CDH19: variants seen among roughly 807,000 people sequenced by gnomAD.
The protein encoded by CDH19 is cadherin-19.
Under a neutral mutation model 64.2 loss-of-function variants are expected in CDH19, and 67 were observed. The ratio of observed to expected loss-of-function variants is 1.04; its 90% confidence interval spans 0.86 to 1.28. CDH19 has a LOEUF of 1.28. Among genes scored for constraint, CDH19 ranks in the 50% most tolerant of loss-of-function variants. CDH19 has a pLI of 0.00. For missense variants in CDH19, 1,030 were observed against 929.0 expected (o/e 1.11, Z -1.41); for synonymous variants, 346 against 319.3 (o/e 1.08, Z -0.89).
chr18:66,594,441 T>C (rs961019664), intron 1 of CDH19, among the ~76,000 whole-genome samples: 1 of 152,080 alleles, frequency 6.6e-6, no homozygotes, highest in Non-Finnish European at 1.5e-5. Context: ...GAGCAGTCCA[T>C]CAAACAACGG....
chr18:66,589,997 T>G (rs1156313509), intron 1 of CDH19, among the ~76,000 whole-genome samples: 1 of 151,852 alleles, frequency 6.6e-6, no homozygotes, highest in Non-Finnish European at 1.5e-5. Context: ...CTCATTATAT[T>G]TAGTTTAAAA....
chr18:66,600,472 A>C (rs981911923), intron 1 of CDH19, among the ~76,000 whole-genome samples: 7 of 151,926 alleles, frequency 4.6e-5, no homozygotes, highest in African/African-American at 1.7e-4. Flanking sequence ...TAATCTCATA[A>C]AAATCATATT....
intron 1 of CDH19, among the ~76,000 whole-genome samples, chr18:66,574,882 A>G (rs956636947): frequency 1.1e-4 from 16 of 151,842 alleles, no homozygotes; most frequent in African/African-American, 3.9e-4. Flanking sequence ...AAACATTTTT[A>G]AAGTATTGAA....
At chr18:66,560,211 A>G (rs1315739257) in intron 3 of CDH19, among the ~76,000 whole-genome samples, 3 of 152,126 alleles carry the variant, frequency 2.0e-5, no homozygotes, top group Non-Finnish European at 4.4e-5. Flanking sequence ...TTCAGACAAT[A>G]ATATTTGCCC....
intron 1 of CDH19, among the ~76,000 whole-genome samples, chr18:66,581,173 G>A (rs1988411077): frequency 6.6e-6 from 1 of 151,832 alleles, no homozygotes; most frequent in Non-Finnish European, 1.5e-5. Context: ...TTCTCTTATT[G>A]CTAATACCTG....
Position 66,509,161 on chromosome 18 carries a change from G to T in CDH19, c.1662C>A (p.Asp554Glu), listed in dbSNP as rs745955503. ...TACTTGTAAGTGACGGGATTCCATT[G>T]TCGGCAATTAAGATGGAGATGTAGA... ...PVFYISILIA[D>E]NGIPSLTSTN... Residue 554 changes from aspartate to glutamate, a missense_variant, in exon 11 of 12, where the codon GAC becomes GAA. Asp to Glu is a conservative substitution (Grantham distance 45). Coordinates refer to ENST00000262150, the MANE Select transcript of CDH19 (RefSeq NM_021153.4). 3.1e-6 allele frequency: 5 copies of T among 1,612,802 alleles called. No homozygotes were observed. The South Asian group carries it at 3.3e-5, about 11-fold the overall frequency.
chr18:66,558,376 T>C (rs1363794404), intron 3 of CDH19, among the ~76,000 whole-genome samples: 1 of 151,690 alleles, frequency 6.6e-6, no homozygotes, highest in African/African-American at 2.4e-5. Flanking sequence ...TTCTTTTCCC[T>C]CTTTCAGTTA....
At chr18:66,566,176 C>G (rs1987902402) in intron 3 of CDH19, among the ~76,000 whole-genome samples, 1 of 151,774 alleles carries the variant, frequency 6.6e-6, no homozygotes, top group African/African-American at 2.4e-5. Flanking sequence ...TCGCATTATG[C>G]TTCACTGACA....
At chr18:66,518,257 G>T (rs1049348087) in intron 9 of CDH19, among the ~76,000 whole-genome samples, 15 of 151,702 alleles carry the variant, frequency 9.9e-5, no homozygotes, top group Admixed American at 7.9e-4. Flanking sequence ...TTTTGAGATG[G>T]AGTTTCACTC....
chr18:66,531,174 T>C (rs139942940), intron 8 of CDH19, among the ~76,000 whole-genome samples: 111 of 152,296 alleles, frequency 7.3e-4, no homozygotes, highest in African/African-American at 2.6e-3. Flanking sequence ...GTCTAAGGTA[T>C]CAGTATTTGA....
In CDH19 at chr18:66,544,060, A is replaced by G. The variant is rs1240161656; in HGVS notation, c.1125T>C (p.Tyr375=). 6.2e-7 allele frequency: 1 copy of G among 1,613,750 alleles called. No homozygotes were observed. The highest frequency in any genetic ancestry group is 8.5e-7 in the Non-Finnish European group (1 of 1,179,808). Residue 375 remains tyrosine (Y), a synonymous_variant, in exon 7 of 12, where the codon TAT becomes TAC. Transcript: ENST00000262150. ...GGGTTTCTTCAAAAACTTCAAATAC[A>G]TAATATGGAAGGAGGAAAAGAGGAG... ...DEPPLFLLPY[Y]VFEVFEETPQ...
intron 1 of CDH19, among the ~76,000 whole-genome samples, chr18:66,597,686 T>A (rs1568216118): frequency 6.6e-6 from 1 of 152,024 alleles, no homozygotes; most frequent in African/African-American, 2.4e-5. Flanking sequence ...AGAGAAAATA[T>A]TTGCAAACTA....
chr18:66,554,666 G>C lies in CDH19; in HGVS notation c.491-142C>G, dbSNP rs888607899. The C allele has an allele frequency of 5.4e-6, 3 of 560,366 alleles. No homozygotes were observed. The African/African-American group carries it at 5.9e-5, about 11-fold the overall frequency. 34.7% of individuals were successfully genotyped at this position (560,366 alleles called of 1,614,324 possible). On this transcript the variant is annotated intron_variant, in intron 3 of 11. Coordinates refer to ENST00000262150, the MANE Select transcript of CDH19 (RefSeq NM_021153.4). ...CACCTCCTTGTTCTTAATTGTAAAAGTAATGTATTTTTTTGTTGTTTTTTA... is the reference window on the plus strand; with the variant it reads ...CACCTCCTTGTTCTTAATTGTAAAACTAATGTATTTTTTTGTTGTTTTTTA...
chr18:66,576,880 A>G (rs983735978), intron 1 of CDH19, among the ~76,000 whole-genome samples: 14 of 151,760 alleles, frequency 9.2e-5, no homozygotes, highest in African/African-American at 3.4e-4. Context: ...TGGAGGATAC[A>G]CGGTCAATAT....
rs565559073 is a variant in CDH19, at chr18:66,542,431, C to T, written c.1214+1540G>A. ...AGGAAAGGTGTTGGAGAAATCATTA[C>T]GTAACAAGCTTTGGTTTTTTATGCC... On this transcript the variant is annotated intron_variant, in intron 7 of 11. Transcript: ENST00000262150. Among the ~76,000 whole-genome samples, 5 of 152,168 alleles carry T rather than the reference C, an allele frequency of 3.3e-5. No homozygotes were observed. In the South Asian group the frequency reaches 6.2e-4, roughly 19 times the overall value.
At chr18:66,580,710 TAAA>T (rs541626149) in intron 1 of CDH19, among the ~76,000 whole-genome samples, 60 of 152,244 alleles carry the variant, frequency 3.9e-4, no homozygotes, top group Non-Finnish European at 7.6e-4. Flanking sequence ...AATTTAAAGT[TAAA>T]AATCATCATT....
intron 9 of CDH19, among the ~76,000 whole-genome samples, chr18:66,513,453 A>G (rs1421928314): frequency 6.6e-6 from 1 of 151,488 alleles, no homozygotes; most frequent in Admixed American, 6.6e-5. Flanking sequence ...TAAAAATAGG[A>G]AGACACAGAC....
chr18:66,588,263 C>T (rs1988634975), intron 1 of CDH19, among the ~76,000 whole-genome samples: 1 of 152,124 alleles, frequency 6.6e-6, no homozygotes, highest in South Asian at 2.1e-4. Context: ...TCCCACCAAT[C>T]TCCCTGGGTT....
chr18:66,510,432 A>G (rs1391843521), intron 10 of CDH19, among the ~76,000 whole-genome samples: 2 of 148,754 alleles, frequency 1.3e-5, no homozygotes, highest in African/African-American at 4.9e-5. Context: ...AAATTAATCT[A>G]TATATACAAA....
Sources: allele counts gnomAD v4.1 joint callset (sites outside exome capture counted in the v4.1 genomes callset), GRCh38; gene constraint gnomAD v4.1.1; transcripts MANE v1.5; gene names NCBI Gene and HGNC (gene_info 2026-07-23, HGNC 2026-07-21).